LARGE1: variants seen among roughly 807,000 people sequenced by gnomAD.
The protein encoded by LARGE1 is xylosyl- and glucuronyltransferase LARGE1.
Under a neutral mutation model 87.6 loss-of-function variants are expected in LARGE1, and 43 were observed. The ratio of observed to expected loss-of-function variants is 0.49; its 90% CI spans 0.38 to 0.63. LARGE1 has a LOEUF of 0.63. Ranked by LOEUF, LARGE1 falls within the 30% of genes least tolerant of loss-of-function variation. The pLI is 0.00. For synonymous variants in LARGE1, 434 were observed against 394.6 expected (o/e 1.10, Z -1.18); for missense variants, 802 against 1,000.2 (o/e 0.80, Z 2.67).
intron 2 of LARGE1, among the ~76,000 whole-genome samples, chr22:33,730,396 G>A (rs1260247612): frequency 1.3e-5 from 2 of 152,198 alleles, no homozygotes; most frequent in Non-Finnish European, 2.9e-5. Context: ...GAAGTCAAAA[G>A]TTATATGCAT....
chr22:33,130,338 AAAAT>A, the LARGE1 span, among the ~76,000 whole-genome samples: 8 of 133,188 alleles, frequency 6.0e-5, no homozygotes, highest in African/African-American at 2.2e-4. Flanking sequence ...AAAAAAAAAA[AAAAT>A]TAGCAGGCAT....
chr22:33,493,375 G>A (rs2148305910), intron 6 of LARGE1, among the ~76,000 whole-genome samples: 1 of 152,070 alleles, frequency 6.6e-6, no homozygotes, highest in South Asian at 2.1e-4. Flanking sequence ...TGGCCAGGCT[G>A]GTCTTGAACT....
intron 12 of LARGE1, among the ~76,000 whole-genome samples, chr22:33,291,067 A>AC (rs879835968): frequency 6.6e-6 from 1 of 151,848 alleles, no homozygotes; most frequent in Non-Finnish European, 1.5e-5. Context: ...TCCCTTCCTC[A>AC]CCTCTGGTTC....
chr22:33,096,721 C>T, the LARGE1 span, among the ~76,000 whole-genome samples: 1 of 151,998 alleles, frequency 6.6e-6, no homozygotes, highest in Non-Finnish European at 1.5e-5. Context: ...CCCGCCACTG[C>T]GCCCGGCTAA....
chr22:33,352,175 T>C (rs1253340511), intron 9 of LARGE1, among the ~76,000 whole-genome samples: 1 of 152,218 alleles, frequency 6.6e-6, no homozygotes, highest in Non-Finnish European at 1.5e-5. Context: ...ACTTCACATC[T>C]GTGATAGTCT....
the LARGE1 span, among the ~76,000 whole-genome samples, chr22:33,085,447 A>G: frequency 2.0e-5 from 3 of 152,238 alleles, no homozygotes; most frequent in Non-Finnish European, 4.4e-5. Context: ...GACTTTGAAT[A>G]TGCTTTGAAG....
intron 4 of LARGE1, among the ~76,000 whole-genome samples, chr22:33,607,884 A>G (rs781205138): frequency 6.6e-6 from 1 of 152,220 alleles, no homozygotes; most frequent in Non-Finnish European, 1.5e-5. Flanking sequence ...CAACTTTCCC[A>G]TAAAATTATC....
chr22:33,668,514 G>A (rs2081325526), intron 2 of LARGE1, among the ~76,000 whole-genome samples: 1 of 152,212 alleles, frequency 6.6e-6, no homozygotes. Context: ...CACTTTCCCT[G>A]TAAAGTATGG....
rs1308018535 is a variant in LARGE1, at chr22:33,920,095, G to C, written c.-183C>G. 2 of 151,804 alleles carry C rather than the reference G, an allele frequency of 1.3e-5. No homozygotes were observed. The highest frequency in any genetic ancestry group is 4.8e-5 in the African/African-American group (2 of 41,356). The allele number at this position is 151,804 out of a possible 1,614,324, so 9.4% of individuals were successfully genotyped here. A position where few individuals can be genotyped will look rare whatever the true frequency, so the allele number is the denominator to read the frequency against. On this transcript the variant is annotated 5_prime_UTR_variant, in exon 1 of 15. Coordinates refer to ENST00000397394, the MANE Select transcript of LARGE1 (RefSeq NM_133642.5). ...CGCAGGGGGTCCGGGTCAGGGTCCCGGCAGGCGCTGCCCTACTCGGAGCGG... is the reference window on the plus strand; with the variant it reads ...CGCAGGGGGTCCGGGTCAGGGTCCCCGCAGGCGCTGCCCTACTCGGAGCGG...
At chr22:33,806,645 A>C (rs573857880) in intron 1 of LARGE1, among the ~76,000 whole-genome samples, 1 of 152,230 alleles carries the variant, frequency 6.6e-6, no homozygotes, top group Non-Finnish European at 1.5e-5. Context: ...CAGGGCTTAG[A>C]AGGCTCTCAG....
intron 1 of LARGE1, among the ~76,000 whole-genome samples, chr22:33,879,696 T>G (rs187062205): frequency 1.3e-5 from 2 of 152,354 alleles, no homozygotes; most frequent in East Asian, 3.9e-4. Context: ...CTCCTTACTT[T>G]GGTAACGCAT....
the LARGE1 span, among the ~76,000 whole-genome samples, chr22:33,128,877 C>A: frequency 2.0e-5 from 3 of 152,082 alleles, no homozygotes; most frequent in East Asian, 5.8e-4. Context: ...TTCTCACTTA[C>A]AAGTGGGAGC....
chr22:33,508,536 C>T (rs2070874733), intron 6 of LARGE1, among the ~76,000 whole-genome samples: 2 of 152,154 alleles, frequency 1.3e-5, no homozygotes, highest in African/African-American at 2.4e-5. Flanking sequence ...TCTTCTTTCT[C>T]GCGACACTCT....
chr22:33,102,986 G>A, the LARGE1 span, among the ~76,000 whole-genome samples: 1 of 152,076 alleles, frequency 6.6e-6, no homozygotes, highest in Non-Finnish European at 1.5e-5. Flanking sequence ...GGAGGTTGTG[G>A]TATGCAGAAT....
At chr22:33,556,478 T>C (rs1270528884) in intron 6 of LARGE1, among the ~76,000 whole-genome samples, 1 of 142,104 alleles carries the variant, frequency 7.0e-6, no homozygotes, top group African/African-American at 2.7e-5. Context: ...AAAGAATGAA[T>C]GACTGAATGG....
At position 33,437,584 on chromosome 22, in the gene LARGE1, C is replaced by T. The variant is rs934153862; in HGVS notation, c.788-5319G>A. ...TAGTAAAGCGTTCAGTAAGCATTTG[C>T]TCTTATGGAAGCACCCAGAACTCCC... On this transcript the variant is annotated intron_variant, in intron 6 of 14. Transcript: ENST00000397394. 5.3e-5 allele frequency among the ~76,000 whole-genome samples: 8 copies of T among 152,092 alleles called. No homozygotes were observed. In the East Asian group the frequency reaches 1.3e-3, roughly 26 times the overall value.
intron 1 of LARGE1, among the ~76,000 whole-genome samples, chr22:33,875,436 G>A (rs1321335245): frequency 6.6e-6 from 1 of 152,190 alleles, no homozygotes; most frequent in Non-Finnish European, 1.5e-5. Flanking sequence ...AACCATGGGG[G>A]CAGAGGGCTG....
intron 2 of LARGE1, among the ~76,000 whole-genome samples, chr22:33,756,563 A>C (rs1232134738): frequency 6.6e-6 from 1 of 152,142 alleles, no homozygotes; most frequent in African/African-American, 2.4e-5. Flanking sequence ...AGAGGGTGTC[A>C]GGGAGAAGAA....
intron 4 of LARGE1, among the ~76,000 whole-genome samples, chr22:33,612,655 C>T (rs2079471387): frequency 6.6e-6 from 1 of 152,070 alleles, no homozygotes; most frequent in Non-Finnish European, 1.5e-5. Flanking sequence ...CTACTTAATG[C>T]CAGAAATAGG....
Sources: gnomAD v4.1 joint callset for allele counts (sites outside exome capture counted in the v4.1 genomes callset) on GRCh38, gnomAD v4.1.1 for gene constraint, MANE v1.5 for transcripts, NCBI Gene and HGNC (gene_info 2026-07-23, HGNC 2026-07-21) for gene names.